FHOD3: variants seen among roughly 807,000 people sequenced by gnomAD.
FHOD3 encodes formin homology 2 domain containing 3.
FHOD3 carries 90 observed loss-of-function variants against 173.0 expected under a neutral mutation model. The ratio of observed to expected loss-of-function variants is 0.52; its 90% CI spans 0.44 to 0.62. The LOEUF is 0.62. Ranked by LOEUF, FHOD3 falls within the 20% of genes least tolerant of loss-of-function variation. The pLI, the probability that FHOD3 is intolerant of heterozygous loss-of-function variation, is 0.00. For missense variants in FHOD3, 1,945 were observed against 2,034.7 expected (o/e 0.96, Z 0.85); for synonymous variants, 828 against 823.0 (o/e 1.01, Z -0.10).
chr18:36,467,845 T>A (rs889356191), intron 3 of FHOD3, among the ~76,000 whole-genome samples: 1 of 152,188 alleles, frequency 6.6e-6, no homozygotes. Flanking sequence ...CTCCTGTGCT[T>A]TGGGCAGAGG....
intron 7 of FHOD3, among the ~76,000 whole-genome samples, chr18:36,595,597 G>A (rs912047509): frequency 2.6e-5 from 4 of 152,092 alleles, no homozygotes; most frequent in African/African-American, 4.8e-5. Flanking sequence ...TCTCCAAGTC[G>A]GGGTTGCCTG....
At chr18:36,515,093 A>G (rs2055891016) in intron 5 of FHOD3, among the ~76,000 whole-genome samples, 1 of 152,182 alleles carries the variant, frequency 6.6e-6, no homozygotes, top group Non-Finnish European at 1.5e-5. Flanking sequence ...GGTTAAACAC[A>G]GGTCCTGGTG....
At chr18:36,523,145 C>T (rs1437405288) in intron 5 of FHOD3, among the ~76,000 whole-genome samples, 1 of 151,116 alleles carries the variant, frequency 6.6e-6, no homozygotes, top group Non-Finnish European at 1.5e-5. Context: ...CTTGAAACAA[C>T]TGCTGGGGCT....
chr18:36,399,640 G>A (rs2048711013), intron 3 of FHOD3, among the ~76,000 whole-genome samples: 1 of 152,118 alleles, frequency 6.6e-6, no homozygotes, highest in South Asian at 2.1e-4. Flanking sequence ...GGTTTGGCTA[G>A]CCTTGTGCTC....
At chr18:36,397,757 T>C (rs2048621363) in intron 3 of FHOD3, among the ~76,000 whole-genome samples, 1 of 152,182 alleles carries the variant, frequency 6.6e-6, no homozygotes, top group South Asian at 2.1e-4. Context: ...TTTCCTATCA[T>C]GTAAAATTAG....
intron 3 of FHOD3, among the ~76,000 whole-genome samples, chr18:36,473,212 G>A (rs2053380627): frequency 6.6e-6 from 1 of 152,142 alleles, no homozygotes; most frequent in Non-Finnish European, 1.5e-5. Context: ...TCAGGAGTTC[G>A]AGACCAGCCT....
At chr18:36,310,553 G>A (rs1004673007) in intron 1 of FHOD3, among the ~76,000 whole-genome samples, 1 of 151,988 alleles carries the variant, frequency 6.6e-6, no homozygotes, top group Non-Finnish European at 1.5e-5. Context: ...CAGGCATGGT[G>A]GTGGGTGCCC....
At chr18:36,418,844 G>T (rs1021373246) in intron 3 of FHOD3, among the ~76,000 whole-genome samples, 1 of 152,126 alleles carries the variant, frequency 6.6e-6, no homozygotes, top group Non-Finnish European at 1.5e-5. Context: ...AGCCCGGGAG[G>T]CAGAGGTTGC....
intron 24 of FHOD3, among the ~76,000 whole-genome samples, chr18:36,747,536 G>A (rs8083264): frequency 0.17 from 26,024 of 152,110 alleles, 2,460 homozygotes; most frequent in African/African-American, 0.25. Context: ...GCTGGCCTTC[G>A]GAGGACCTTC....
chr18:36,566,134 T>A (rs1411634087), intron 5 of FHOD3, among the ~76,000 whole-genome samples: 1 of 152,126 alleles, frequency 6.6e-6, no homozygotes, highest in East Asian at 1.9e-4. Context: ...TTAAGAGCTG[T>A]TTGTGCAAAA....
chr18:36,680,809 C>T (rs960642250), intron 14 of FHOD3, among the ~76,000 whole-genome samples: 2 of 152,216 alleles, frequency 1.3e-5, no homozygotes, highest in African/African-American at 2.4e-5. Flanking sequence ...TTTTTGTCCT[C>T]ATCTGTCATC....
At chr18:36,315,699 A>G (rs78122694) in intron 1 of FHOD3, among the ~76,000 whole-genome samples, 20 of 152,336 alleles carry the variant, frequency 1.3e-4, no homozygotes, top group Non-Finnish European at 2.8e-4. Context: ...CATGCCCACC[A>G]TGTGAATTCC....
intron 13 of FHOD3, 117 bp downstream of exon 13, chr18:36,653,533 T>G (rs913413835): frequency 9.1e-5 from 67 of 736,114 alleles, no homozygotes; most frequent in South Asian, 2.7e-4. Context: ...ACAATTACAG[T>G]TTGAACCACT....
chr18:36,339,073 G>A (rs1456536314), intron 1 of FHOD3, among the ~76,000 whole-genome samples: 1 of 152,164 alleles, frequency 6.6e-6, no homozygotes, highest in Middle Eastern at 3.4e-3. Context: ...CTCAGGGTGG[G>A]GCCCCAGGTT....
At chr18:36,650,658 A>G (rs1188015644) in intron 11 of FHOD3, among the ~76,000 whole-genome samples, 1 of 152,224 alleles carries the variant, frequency 6.6e-6, no homozygotes, top group Non-Finnish European at 1.5e-5. Flanking sequence ...TCTGTAGGCT[A>G]TCACTGAAAC....
chr18:36,415,013 G>C (rs958591662), intron 3 of FHOD3, among the ~76,000 whole-genome samples: 1 of 152,212 alleles, frequency 6.6e-6, no homozygotes, highest in Non-Finnish European at 1.5e-5. Flanking sequence ...AGGGGGCAGT[G>C]AGTTTGGGAA....
chr18:36,513,677 T>C (rs1599458088), intron 5 of FHOD3, among the ~76,000 whole-genome samples: 1 of 152,148 alleles, frequency 6.6e-6, no homozygotes, highest in Non-Finnish European at 1.5e-5. Flanking sequence ...TTATGTTCTG[T>C]GGCGTTTTCC....
intron 1 of FHOD3, among the ~76,000 whole-genome samples, chr18:36,347,060 C>T (rs992952498): frequency 1.3e-5 from 2 of 152,102 alleles, no homozygotes; most frequent in Non-Finnish European, 2.9e-5. Flanking sequence ...GACACAGTGT[C>T]TCCCCAGGAC....
At chr18:36,477,587 C>CTACCTACT (rs2053658135) in intron 3 of FHOD3, among the ~76,000 whole-genome samples, 1 of 148,390 alleles carries the variant, frequency 6.7e-6, no homozygotes, top group African/African-American at 2.5e-5. Context: ...ACCTACCTAC[C>CTACCTACT]TACCTACCTA....
Sources: gnomAD v4.1 joint callset for allele counts (sites outside exome capture counted in the v4.1 genomes callset) on GRCh38, gnomAD v4.1.1 for gene constraint, MANE v1.5 for transcripts, NCBI Gene and HGNC (gene_info 2026-07-23, HGNC 2026-07-21) for gene names.